Variants in NEDD4 observed in about 807,000 individuals in gnomAD.
NEDD4 encodes the protein NEDD4 E3 ubiquitin protein ligase.
Under a neutral mutation model 144.9 loss-of-function variants are expected in NEDD4, and 99 were observed. The ratio of observed to expected loss-of-function variants is 0.68; its 90% CI spans 0.58 to 0.81. NEDD4 has a LOEUF of 0.81. NEDD4 is among the 30% of genes least tolerant of loss of function. The pLI, the probability that NEDD4 is intolerant of heterozygous loss-of-function variation, is 0.00. For synonymous variants in NEDD4, 318 were observed against 350.6 expected (o/e 0.91, Z 1.04); for missense variants, 985 against 1,065.9 (o/e 0.92, Z 1.06).
intron 5 of NEDD4, among the ~76,000 whole-genome samples, chr15:55,900,636 G>C (rs1215433694): frequency 1.3e-5 from 2 of 152,120 alleles, no homozygotes; most frequent in African/African-American, 4.8e-5. Context: ...ATAGCTATAA[G>C]AGAGCTTTAT....
chr15:55,887,090 C>T (rs917678318), intron 5 of NEDD4, among the ~76,000 whole-genome samples: 8 of 149,060 alleles, frequency 5.4e-5, no homozygotes, highest in African/African-American at 1.7e-4. Context: ...TCTTAAAGAA[C>T]TAGAAAAGCA....
At chr15:55,834,333 C>T in intron 24 of NEDD4, 47 bp from the exon 25 acceptor site, 2 of 1,219,940 alleles carry the variant, frequency 1.6e-6, no homozygotes, top group Non-Finnish European at 2.4e-6. Context: ...GGCCAATGGC[C>T]TTTCCTATGC....
chr15:55,977,720 A>G (rs1228318969), intron 1 of NEDD4, among the ~76,000 whole-genome samples: 2 of 151,596 alleles, frequency 1.3e-5, no homozygotes, highest in Non-Finnish European at 2.9e-5. Flanking sequence ...CAAAAATGGG[A>G]GATTTTATTT....
chr15:55,860,772 G>A lies in NEDD4; in HGVS notation c.681C>T (p.Asn227=), dbSNP rs762410353. The change falls in exon 10 of 29, where the codon AAC becomes AAT. Residue 227 remains asparagine, a synonymous_variant. Coordinates refer to ENST00000435532, the MANE Select transcript of NEDD4 (RefSeq NM_006154.4). ...TGTTGCCATTCTCAGCATCTGTTAG[G>A]TTGTCCCTATATTGGAAGTATAAAA... ...TQWKRPTPQD[N]LTDAENGNIQ... is the part of the protein sequence containing the mutation. 2 of 1,613,698 alleles carry A rather than the reference G, an allele frequency of 1.2e-6. No homozygotes were observed. The highest frequency in any genetic ancestry group is 1.1e-5 in the South Asian group (1 of 91,046).
intron 12 of NEDD4, 149 bp from the exon 13 acceptor site, chr15:55,852,692 T>A (rs2034035716): frequency 6.3e-4 from 2 of 3,158 alleles, no homozygotes; most frequent in African/African-American, 7.1e-4. Context: ...TTTCTAGAAA[T>A]ATATATATAT....
At chr15:55,967,474 G>A (rs201436638) in intron 1 of NEDD4, among the ~76,000 whole-genome samples, 22,531 of 148,976 alleles carry the variant, frequency 0.15, 1,828 homozygotes, top group East Asian at 0.32. Context: ...GTGTGTGTGT[G>A]TATGTGTGTG....
chr15:55,831,514 G>A (rs2032949637), intron 27 of NEDD4, among the ~76,000 whole-genome samples: 1 of 152,292 alleles, frequency 6.6e-6, no homozygotes, highest in African/African-American at 2.4e-5. Context: ...TTAAAGTAGA[G>A]AAGATGGAGG....
intron 4 of NEDD4, among the ~76,000 whole-genome samples, chr15:55,945,679 G>A (rs768572306): frequency 2.0e-5 from 3 of 151,784 alleles, no homozygotes; most frequent in South Asian, 2.1e-4. Flanking sequence ...GATATTCCTC[G>A]AGAAGAGCAA....
chr15:55,914,347 C>T (rs1240949768), intron 5 of NEDD4, among the ~76,000 whole-genome samples: 1 of 151,680 alleles, frequency 6.6e-6, no homozygotes, highest in Non-Finnish European at 1.5e-5. Flanking sequence ...TCTGGTAAAA[C>T]ATTCCAAATA....
At chr15:55,987,036 G>A (rs1293132309) in intron 1 of NEDD4, among the ~76,000 whole-genome samples, 2 of 145,356 alleles carry the variant, frequency 1.4e-5, no homozygotes, top group African/African-American at 5.1e-5. Flanking sequence ...AGATCCCTGA[G>A]GAATCGCCAC....
intron 8 of NEDD4, among the ~76,000 whole-genome samples, chr15:55,866,010 C>A (rs1234212761): frequency 6.6e-6 from 1 of 152,078 alleles, no homozygotes; most frequent in African/African-American, 2.4e-5. Flanking sequence ...CAGCTCACTG[C>A]AGCCTTGACC....
chr15:55,959,829 G>T (rs553346354), intron 2 of NEDD4, among the ~76,000 whole-genome samples: 62 of 152,324 alleles, frequency 4.1e-4, no homozygotes, highest in African/African-American at 1.4e-3. Context: ...TAGCTTGGAA[G>T]TGAATCCTTC....
chr15:55,926,041 C>A (rs1055177430), intron 4 of NEDD4, among the ~76,000 whole-genome samples: 10 of 151,468 alleles, frequency 6.6e-5, no homozygotes, highest in Non-Finnish European at 1.0e-4. Context: ...GTATCATATA[C>A]ATATACAGTA....
Position 55,863,055 on chromosome 15 carries a change from G to A in NEDD4, c.532C>T (p.Pro178Ser). 6.2e-7 allele frequency: 1 copy of A among 1,601,520 alleles called. No homozygotes were observed. The highest frequency in any genetic ancestry group is 1.7e-4 in the Middle Eastern group (1 of 5,944). ...LEPGWVVLDQPDAACHLQQQQ... is the reference protein window; with the variant it reads ...LEPGWVVLDQSDAACHLQQQQ... ...TGCTGCAAATGGCAAGCAGCATCTG[G>A]TTGGTCCAAAACAACCCAGCCAGGC... is the stretch of plus-strand genomic sequence containing the variant. Residue 178 changes from proline to serine, a missense_variant, in exon 9 of 29, where the codon CCA becomes TCA. Pro to Ser is a moderately conservative substitution (Grantham distance 74). Coordinates refer to ENST00000435532, the MANE Select transcript of NEDD4 (RefSeq NM_006154.4).
At chr15:55,941,208 T>A (rs867303865) in intron 4 of NEDD4, among the ~76,000 whole-genome samples, 1 of 152,182 alleles carries the variant, frequency 6.6e-6, no homozygotes, top group Non-Finnish European at 1.5e-5. Context: ...TTTTCTCTAC[T>A]TTTTGTCCAT....
chr15:55,856,303 C>G (rs985674683), intron 11 of NEDD4, 107 bp from the exon 12 acceptor site: 1 of 952,766 alleles, frequency 1.0e-6, no homozygotes, highest in African/African-American at 1.7e-5. Context: ...AGAGAGAAGG[C>G]TGGCTAGGAT....
intron 2 of NEDD4, among the ~76,000 whole-genome samples, chr15:55,960,165 C>T (rs1242419142): frequency 3.3e-5 from 5 of 152,198 alleles, no homozygotes; most frequent in African/African-American, 1.2e-4. Context: ...ACAGTAACCA[C>T]CTCTCTGTGA....
At chr15:55,952,920 C>A (rs2037268851) in intron 2 of NEDD4, among the ~76,000 whole-genome samples, 1 of 152,064 alleles carries the variant, frequency 6.6e-6, no homozygotes, top group African/African-American at 2.4e-5. Flanking sequence ...ATAATAAAAA[C>A]AAGAACACTT....
At chr15:55,980,261 T>G (rs1214057539) in intron 1 of NEDD4, among the ~76,000 whole-genome samples, 1 of 152,126 alleles carries the variant, frequency 6.6e-6, no homozygotes, top group Non-Finnish European at 1.5e-5. Context: ...TACCCCTCTG[T>G]AGAAACAAAC....
Sources: allele counts gnomAD v4.1 joint callset (sites outside exome capture counted in the v4.1 genomes callset), GRCh38; gene constraint gnomAD v4.1.1; transcripts MANE v1.5; gene names NCBI Gene and HGNC (gene_info 2026-07-23, HGNC 2026-07-21).